The following DNM3 variants were observed in gnomAD, a reference collection of about 807,000 sequenced individuals.
DNM3 encodes dynamin-3.
Under a neutral mutation model 101.6 loss-of-function variants are expected in DNM3, and 47 were observed. The ratio of observed to expected loss-of-function variants is 0.46; its 90% confidence interval spans 0.37 to 0.59. DNM3 has a LOEUF of 0.59. Ranked by LOEUF, DNM3 falls within the 20% of genes least tolerant of loss-of-function variation. The pLI is 0.00. For synonymous variants in DNM3, 385 were observed against 387.9 expected (o/e 0.99, Z 0.09); for missense variants, 849 against 1,085.7 (o/e 0.78, Z 3.06).
At chr1:172,218,711 A>G (rs963311651) in intron 14 of DNM3, among the ~76,000 whole-genome samples, 1 of 152,246 alleles carries the variant, frequency 6.6e-6, no homozygotes, top group Admixed American at 6.5e-5. Flanking sequence ...GACTGTTGGG[A>G]GGAAAACTTT....
chr1:171,911,192 T>C (rs2039264747), intron 1 of DNM3, among the ~76,000 whole-genome samples: 1 of 151,788 alleles, frequency 6.6e-6, no homozygotes, highest in Admixed American at 6.6e-5. Context: ...GTGACCATGG[T>C]AGTGCTCCAT....
At chr1:171,974,260 C>T (rs1558354820) in intron 2 of DNM3, among the ~76,000 whole-genome samples, 1 of 152,086 alleles carries the variant, frequency 6.6e-6, no homozygotes, top group African/African-American at 2.4e-5. Context: ...ATTGAAATTG[C>T]AGTTTTCATT....
chr1:171,965,650 G>A (rs76257386), intron 2 of DNM3, among the ~76,000 whole-genome samples: 3,918 of 152,176 alleles, frequency 0.026, 135 homozygotes, highest in East Asian at 0.19. Flanking sequence ...AGGGTCTGAA[G>A]CATGAGCGCT....
intron 1 of DNM3, among the ~76,000 whole-genome samples, chr1:171,878,511 T>C (rs2125115012): frequency 6.6e-6 from 1 of 152,232 alleles, no homozygotes; most frequent in East Asian, 1.9e-4. Context: ...TGTAGAAGGA[T>C]CTGCTGGACT....
intron 20 of DNM3, among the ~76,000 whole-genome samples, chr1:172,392,847 A>C (rs146351901): frequency 6.6e-6 from 1 of 152,328 alleles, no homozygotes; most frequent in African/African-American, 2.4e-5. Flanking sequence ...TTCTCTTTAA[A>C]AAGACAAAAC....
intron 2 of DNM3, among the ~76,000 whole-genome samples, chr1:171,962,473 TG>T (rs1261210142): frequency 6.6e-6 from 1 of 152,156 alleles, no homozygotes; most frequent in East Asian, 1.9e-4. Flanking sequence ...CAATTTGGGC[TG>T]CTATAACAAA....
At chr1:171,915,318 A>G (rs1201030049) in intron 1 of DNM3, among the ~76,000 whole-genome samples, 1 of 152,240 alleles carries the variant, frequency 6.6e-6, no homozygotes, top group Non-Finnish European at 1.5e-5. Context: ...TAGAACTTAC[A>G]TCACTGTTAA....
chr1:172,209,609 A>G (rs2060443082), intron 14 of DNM3, among the ~76,000 whole-genome samples: 1 of 151,996 alleles, frequency 6.6e-6, no homozygotes, highest in Non-Finnish European at 1.5e-5. Context: ...CATATCTCCC[A>G]AGGGCCCAAT....
At chr1:172,240,396 G>A (rs963226384) in intron 14 of DNM3, among the ~76,000 whole-genome samples, 6 of 152,128 alleles carry the variant, frequency 3.9e-5, no homozygotes, top group Middle Eastern at 3.4e-3. Context: ...AATGATGGGG[G>A]GAAATTTAAA....
At chr1:171,894,992 A>G (rs1301823416) in intron 1 of DNM3, among the ~76,000 whole-genome samples, 1 of 152,188 alleles carries the variant, frequency 6.6e-6, no homozygotes, top group Admixed American at 6.5e-5. Context: ...GCTGCATAGT[A>G]TTCCATCGTG....
At chr1:172,221,309 C>T (rs1377293004) in intron 14 of DNM3, among the ~76,000 whole-genome samples, 1 of 152,108 alleles carries the variant, frequency 6.6e-6, no homozygotes, top group East Asian at 1.9e-4. Context: ...AGCTCTAGTT[C>T]TACCCTATCC....
intron 15 of DNM3, among the ~76,000 whole-genome samples, chr1:172,262,279 C>CCA (rs1367654612): frequency 6.6e-6 from 1 of 152,094 alleles, no homozygotes; most frequent in Non-Finnish European, 1.5e-5. Context: ...CTGCAGAGGG[C>CCA]CACAGGTAGG....
Position 172,408,496 on chromosome 1 carries a change from A to C in DNM3, c.*655A>C, listed in dbSNP as rs144020305. The C allele has an allele frequency of 9.5e-5, 94 of 985,388 alleles. No homozygotes were observed. In the African/African-American group the frequency reaches 1.3e-3, roughly 14 times the overall value. The allele number at this position is 985,388 out of a possible 1,614,324, so 61.0% of individuals were successfully genotyped here. A position where few individuals can be genotyped will look rare whatever the true frequency, so the allele number is the denominator to read the frequency against. On this transcript the variant is annotated 3_prime_UTR_variant, in exon 21 of 21. Transcript: ENST00000627582. ...GTGTTTTGCTTCATGCTAGAAGCAT[A>C]TGCAACAGTGAATAAAAGCTTCTTT...
At chr1:172,259,425 G>A (rs1024993983) in intron 15 of DNM3, among the ~76,000 whole-genome samples, 60 of 152,028 alleles carry the variant, frequency 3.9e-4, no homozygotes, top group African/African-American at 1.4e-3. Context: ...TGGGTGCTCT[G>A]GTGTTGGGAG....
chr1:171,955,428 GCT>G (rs2042790265), intron 2 of DNM3, among the ~76,000 whole-genome samples: 1 of 152,122 alleles, frequency 6.6e-6, no homozygotes, highest in East Asian at 1.9e-4. Context: ...TGTGTTTCCA[GCT>G]GTGTGGCAGA....
chr1:172,130,588 A>G (rs1412521399), intron 13 of DNM3, among the ~76,000 whole-genome samples: 2 of 152,206 alleles, frequency 1.3e-5, no homozygotes, highest in Non-Finnish European at 1.5e-5. Context: ...TATGCTGTTC[A>G]AATTATAAAT....
intron 4 of DNM3, among the ~76,000 whole-genome samples, chr1:172,013,423 T>C (rs536978619): frequency 1.3e-5 from 2 of 152,228 alleles, no homozygotes; most frequent in South Asian, 4.1e-4. Flanking sequence ...ATTTATTCAC[T>C]TAATAAATAT....
chr1:172,205,022 C>T (rs143051675), intron 14 of DNM3, among the ~76,000 whole-genome samples: 533 of 152,188 alleles, frequency 3.5e-3, no homozygotes, highest in Admixed American at 5.6e-3. Context: ...TAGAGTGTAT[C>T]ACATTTAGTA....
At chr1:172,337,890 T>TATTTG in intron 17 of DNM3, among the ~76,000 whole-genome samples, 1 of 138,962 alleles carries the variant, frequency 7.2e-6, no homozygotes, top group Non-Finnish European at 1.5e-5. Context: ...TATTTTATTT[T>TATTTG]ATTTTATTTT....
Sources: allele counts gnomAD v4.1 joint callset (sites outside exome capture counted in the v4.1 genomes callset), GRCh38; gene constraint gnomAD v4.1.1; transcripts MANE v1.5; gene names NCBI Gene and HGNC (gene_info 2026-07-23, HGNC 2026-07-21).